ADAM12: variants seen among roughly 807,000 people sequenced by gnomAD.
The protein encoded by ADAM12 is disintegrin and metalloproteinase domain-containing protein 12.
ADAM12 carries 70 observed loss-of-function variants against 106.4 expected under a neutral mutation model. The ratio of observed to expected loss-of-function variants is 0.66; its 90% CI spans 0.54 to 0.80. The LOEUF (loss-of-function observed/expected upper bound fraction) is 0.80. ADAM12 is among the 30% of genes least tolerant of loss of function. The probability of loss-of-function intolerance (pLI) is 0.00; values close to 1 mark genes in which losing one functional copy is unlikely to be tolerated. For synonymous variants in ADAM12, 420 were observed against 433.5 expected, an observed-to-expected ratio of 0.97 and a Z score of 0.39; for missense variants, 1,010 against 1,171.9, an observed-to-expected ratio of 0.86 and a Z score of 2.02.
At chr10:126,025,140 T>G (rs940769367) in intron 21 of ADAM12, among the ~76,000 whole-genome samples, 9 of 152,166 alleles carry the variant, frequency 5.9e-5, no homozygotes, top group Admixed American at 5.9e-4. Flanking sequence ...AGTGCCACTT[T>G]TTCTCCAAAT....
rs759892860 is a variant in ADAM12, at chr10:126,235,659, C to G, written c.260+43256G>C. On this transcript the variant is annotated intron_variant, in intron 3 of 22. Coordinates refer to ENST00000448723, the MANE Select transcript of ADAM12 (RefSeq NM_001288973.2). The stretch of plus-strand genomic sequence containing the variant: ...ATGCCACCAGGATGCGTGTCTCCTT[C>G]TCCAGCCTCCTCATCCCTTTCTGCT... 2.6e-5 allele frequency among the ~76,000 whole-genome samples: 4 copies of G among 152,224 alleles called. No homozygotes were observed. In the South Asian group the frequency reaches 8.3e-4, roughly 32 times the overall value.
intron 2 of ADAM12, among the ~76,000 whole-genome samples, chr10:126,308,043 C>T (rs1960925653): frequency 2.0e-5 from 3 of 152,190 alleles, no homozygotes; most frequent in African/African-American, 7.2e-5. Context: ...TGATCAGTCT[C>T]TCACTTGCCA....
intron 3 of ADAM12, among the ~76,000 whole-genome samples, chr10:126,250,388 G>C (rs1468337727): frequency 6.6e-6 from 1 of 152,198 alleles, no homozygotes; most frequent in Admixed American, 6.5e-5. Flanking sequence ...GGGAAGGAGT[G>C]TGTGAGCGTG....
chr10:126,337,477 A>G (rs181862684), intron 1 of ADAM12, among the ~76,000 whole-genome samples: 71 of 152,324 alleles, frequency 4.7e-4, no homozygotes, highest in Non-Finnish European at 6.0e-4. Flanking sequence ...TTCAGCACAG[A>G]AAAAGAAGGA....
intron 1 of ADAM12, among the ~76,000 whole-genome samples, chr10:126,345,379 T>G (rs1855100166): frequency 1.3e-5 from 2 of 152,224 alleles, no homozygotes; most frequent in Non-Finnish European, 2.9e-5. Context: ...GAAGCCCACT[T>G]GATCATGGTA....
chr10:126,386,551 T>C (rs898926924), intron 1 of ADAM12, among the ~76,000 whole-genome samples: 4 of 152,128 alleles, frequency 2.6e-5, no homozygotes, highest in African/African-American at 7.2e-5. Context: ...TTGGGTCATA[T>C]CTGTCTTAAG....
At chr10:126,385,961 G>A (rs1165347775) in intron 1 of ADAM12, among the ~76,000 whole-genome samples, 2 of 152,168 alleles carry the variant, frequency 1.3e-5, no homozygotes, top group African/African-American at 4.8e-5. Flanking sequence ...TTGGGTAAGA[G>A]GGATAAGAGG....
Position 126,039,329 on chromosome 10 carries a change from C to T in ADAM12, c.2205G>A (p.Leu735=). ...CAATGGTGGTCTTCTTATTTGTAAA[C>T]AGCAGTCGTATCAAGGTCTTCCTTT... ...YLKRKTLIRL[L]FTNKKTTIEK... is the part of the protein sequence containing the mutation. The change falls in exon 19 of 23, where the codon CTG becomes CTA. Residue 735 remains leucine (L), a synonymous_variant. Transcript: ENST00000448723. 14 of 1,614,080 alleles carry T rather than the reference C, an allele frequency of 8.7e-6. No individual in the cohort carries two copies. The highest frequency in any genetic ancestry group is 1.1e-5 in the Non-Finnish European group (13 of 1,179,998).
intron 3 of ADAM12, among the ~76,000 whole-genome samples, chr10:126,184,494 T>C (rs543999675): frequency 2.0e-5 from 3 of 152,304 alleles, no homozygotes; most frequent in Admixed American, 1.3e-4. Flanking sequence ...CCAAATATAA[T>C]TTATTTAGAC....
At chr10:126,214,489 G>A (rs181605928) in intron 3 of ADAM12, among the ~76,000 whole-genome samples, 55 of 152,258 alleles carry the variant, frequency 3.6e-4, no homozygotes, top group Admixed American at 6.5e-4. Context: ...GCAGAACACA[G>A]CCGTGTTAAT....
chr10:126,039,501 G>T (rs574586913), intron 18 of ADAM12, 72 bp from the exon 19 acceptor site: 3 of 1,581,728 alleles, frequency 1.9e-6, no homozygotes, highest in Admixed American at 1.7e-5. Flanking sequence ...AAGTTGTGAC[G>T]TTTATGGCAA....
intron 2 of ADAM12, among the ~76,000 whole-genome samples, chr10:126,312,488 C>T (rs1394410880): frequency 2.0e-5 from 3 of 152,040 alleles, no homozygotes; most frequent in Admixed American, 2.0e-4. Context: ...CTGTGTGTGG[C>T]TGGATGGTCC....
At chr10:126,329,531 G>A (rs1464709588) in intron 2 of ADAM12, among the ~76,000 whole-genome samples, 1 of 152,130 alleles carries the variant, frequency 6.6e-6, no homozygotes, top group Non-Finnish European at 1.5e-5. Flanking sequence ...AACAATGTCT[G>A]TGAAACAACA....
intron 14 of ADAM12, among the ~76,000 whole-genome samples, chr10:126,055,882 G>A (rs1413409500): frequency 1.3e-5 from 2 of 152,224 alleles, no homozygotes; most frequent in African/African-American, 4.8e-5. Flanking sequence ...CCCTGCACCT[G>A]AGCATGCTTA....
At chr10:126,031,638 C>T (rs915480530) in intron 21 of ADAM12, among the ~76,000 whole-genome samples, 1 of 152,182 alleles carries the variant, frequency 6.6e-6, no homozygotes, top group Non-Finnish European at 1.5e-5. Context: ...TAGCTGCCAC[C>T]GTCTTCCCAT....
intron 3 of ADAM12, among the ~76,000 whole-genome samples, chr10:126,225,554 G>A (rs887631248): frequency 1.3e-5 from 2 of 152,156 alleles, no homozygotes; most frequent in African/African-American, 2.4e-5. Context: ...ATAACTGGGC[G>A]GAGGTGTGCG....
chr10:126,323,846 G>A (rs1384638858), intron 2 of ADAM12, among the ~76,000 whole-genome samples: 1 of 152,182 alleles, frequency 6.6e-6, no homozygotes, highest in Non-Finnish European at 1.5e-5. Context: ...TTTTATACAG[G>A]TTCAGCATTT....
At chr10:126,293,592 C>T (rs1312079602) in intron 2 of ADAM12, among the ~76,000 whole-genome samples, 1 of 152,176 alleles carries the variant, frequency 6.6e-6, no homozygotes, top group Non-Finnish European at 1.5e-5. Flanking sequence ...GACCTTGGCT[C>T]ACTGCAACCT....
At chr10:126,313,597 CCCCA>C (rs1961212352) in intron 2 of ADAM12, among the ~76,000 whole-genome samples, 1 of 140,202 alleles carries the variant, frequency 7.1e-6, no homozygotes, top group African/African-American at 2.7e-5. Flanking sequence ...AAGGTGTGAG[CCCCA>C]TCCATCCATC....
Sources: gnomAD v4.1 joint callset for allele counts (sites outside exome capture counted in the v4.1 genomes callset) on GRCh38, gnomAD v4.1.1 for gene constraint, MANE v1.5 for transcripts, NCBI Gene and HGNC (gene_info 2026-07-23, HGNC 2026-07-21) for gene names.